The following GRID2 variants were observed in gnomAD, a reference collection of about 807,000 sequenced individuals.
The protein encoded by GRID2 is glutamate receptor ionotropic, delta-2.
Under a neutral mutation model 114.8 loss-of-function variants are expected in GRID2, and 33 were observed. That is an observed-to-expected ratio of 0.29 (90% CI 0.22 to 0.38). The LOEUF (loss-of-function observed/expected upper bound fraction) is 0.38. Among genes scored for constraint, GRID2 ranks in the 10% least tolerant of loss-of-function variants. The pLI, the probability that GRID2 is intolerant of heterozygous loss-of-function variation, is 1.00. For synonymous variants in GRID2, 505 were observed against 449.9 expected, an observed-to-expected ratio of 1.12 and a Z score of -1.55; for missense variants, 1,184 against 1,257.7, an observed-to-expected ratio of 0.94 and a Z score of 0.89.
At chr4:93,082,769 G>C (rs1385421755) in intron 2 of GRID2, among the ~76,000 whole-genome samples, 1 of 152,168 alleles carries the variant, frequency 6.6e-6, no homozygotes, top group Non-Finnish European at 1.5e-5. Flanking sequence ...ATACCAAACA[G>C]TAATCCAAAA....
intron 13 of GRID2, among the ~76,000 whole-genome samples, chr4:93,623,925 A>G (rs915129446): frequency 6.6e-6 from 1 of 152,132 alleles, no homozygotes; most frequent in African/African-American, 2.4e-5. Context: ...TTAGAATTAC[A>G]TTTTGTATTG....
chr4:92,612,146 T>C (rs1560488771), intron 2 of GRID2, among the ~76,000 whole-genome samples: 1 of 151,528 alleles, frequency 6.6e-6, no homozygotes, highest in Non-Finnish European at 1.5e-5. Flanking sequence ...TGTGTTTGTG[T>C]TTGAGTATGG....
At chr4:92,653,733 T>C (rs1392835709) in intron 2 of GRID2, among the ~76,000 whole-genome samples, 1 of 152,124 alleles carries the variant, frequency 6.6e-6, no homozygotes, top group Non-Finnish European at 1.5e-5. Context: ...GAACAACATC[T>C]TCACTATTTC....
intron 2 of GRID2, among the ~76,000 whole-genome samples, chr4:92,998,810 T>G (rs1386727274): frequency 6.6e-6 from 1 of 151,122 alleles, no homozygotes; most frequent in Non-Finnish European, 1.5e-5. Flanking sequence ...TTATTTATGT[T>G]AAAGAGGATC....
At chr4:93,074,237 G>T (rs1005427094) in intron 2 of GRID2, among the ~76,000 whole-genome samples, 7 of 152,142 alleles carry the variant, frequency 4.6e-5, no homozygotes, top group Admixed American at 4.6e-4. Flanking sequence ...CAACAGCCTG[G>T]TAGGAGGAGA....
At chr4:93,462,979 G>C (rs1307790235) in intron 11 of GRID2, among the ~76,000 whole-genome samples, 1 of 152,040 alleles carries the variant, frequency 6.6e-6, no homozygotes, top group African/African-American at 2.4e-5. Context: ...TTTCTACATT[G>C]TGTTCTTACA....
chr4:92,473,141 A>G (rs1485357616), intron 1 of GRID2, among the ~76,000 whole-genome samples: 1 of 152,102 alleles, frequency 6.6e-6, no homozygotes, highest in Non-Finnish European at 1.5e-5. Flanking sequence ...CCATTTGTTG[A>G]AAAGGCTATG....
chr4:93,714,402 T>C (rs111914987), intron 14 of GRID2, among the ~76,000 whole-genome samples: 6,413 of 152,242 alleles, frequency 0.042, 219 homozygotes, highest in African/African-American at 0.085. Context: ...AACAAACATA[T>C]GTATGCATGT....
intron 2 of GRID2, among the ~76,000 whole-genome samples, chr4:93,050,766 A>G (rs992532639): frequency 1.5e-4 from 23 of 152,062 alleles, no homozygotes; most frequent in Admixed American, 1.4e-3. Flanking sequence ...CAAAAGTACT[A>G]TCAAATTGAA....
intron 2 of GRID2, among the ~76,000 whole-genome samples, chr4:92,892,461 A>AT (rs1304900011): frequency 6.6e-6 from 1 of 152,102 alleles, no homozygotes; most frequent in African/African-American, 2.4e-5. Flanking sequence ...TTTTTGAAAA[A>AT]TTTGTTCTGA....
chr4:92,918,289 A>G (rs1250783864), intron 2 of GRID2, among the ~76,000 whole-genome samples: 5 of 152,192 alleles, frequency 3.3e-5, no homozygotes, highest in South Asian at 2.1e-4. Context: ...CAATCATGTC[A>G]TCTGCAAACA....
chr4:93,545,954 T>C (rs1733172001), intron 13 of GRID2, among the ~76,000 whole-genome samples: 1 of 151,914 alleles, frequency 6.6e-6, no homozygotes, highest in South Asian at 2.1e-4. Context: ...ATAGTGTTTT[T>C]AAAAAGGCAA....
At chr4:92,513,384 C>T (rs949615624) in intron 1 of GRID2, among the ~76,000 whole-genome samples, 1 of 151,832 alleles carries the variant, frequency 6.6e-6, no homozygotes, top group African/African-American at 2.4e-5. Context: ...GAACTCTATG[C>T]ACATTGACAG....
At chr4:92,784,726 G>A (rs1473236864) in intron 2 of GRID2, among the ~76,000 whole-genome samples, 1 of 151,844 alleles carries the variant, frequency 6.6e-6, no homozygotes, top group Non-Finnish European at 1.5e-5. Context: ...TTTAGGTTAT[G>A]TCTATATTTC....
chr4:92,746,860 C>A (rs910625380), intron 2 of GRID2, among the ~76,000 whole-genome samples: 3 of 151,998 alleles, frequency 2.0e-5, no homozygotes, highest in South Asian at 4.1e-4. Flanking sequence ...AGAAAGGTAA[C>A]TTTTTCCTTT....
At chr4:93,076,224 A>C (rs1731866324) in intron 2 of GRID2, among the ~76,000 whole-genome samples, 1 of 152,034 alleles carries the variant, frequency 6.6e-6, no homozygotes, top group South Asian at 2.1e-4. Flanking sequence ...CTGAAGAAAT[A>C]AGGTAATTAA....
At chr4:93,421,953 A>C (rs1390010501) in intron 9 of GRID2, among the ~76,000 whole-genome samples, 1 of 152,138 alleles carries the variant, frequency 6.6e-6, no homozygotes, top group Admixed American at 6.5e-5. Flanking sequence ...TTATCTGTAA[A>C]TATTACTGTT....
chr4:92,517,234 A>G (rs1724543652), intron 1 of GRID2, among the ~76,000 whole-genome samples: 2 of 151,916 alleles, frequency 1.3e-5, no homozygotes, highest in African/African-American at 2.4e-5. Flanking sequence ...ATAGTCCCAA[A>G]GGTAAATTTA....
At chr4:92,578,099 TTCTTC>T (rs1336033408) in intron 1 of GRID2, among the ~76,000 whole-genome samples, 1 of 89,208 alleles carries the variant, frequency 1.1e-5, no homozygotes, top group Non-Finnish European at 2.5e-5. Flanking sequence ...CTTCTTCTTC[TTCTTC>T]TTCTTCTTCT....
Sources: allele counts gnomAD v4.1 joint callset (sites outside exome capture counted in the v4.1 genomes callset), GRCh38; gene constraint gnomAD v4.1.1; transcripts MANE v1.5; gene names NCBI Gene and HGNC (gene_info 2026-07-23, HGNC 2026-07-21).